NFE2L3: variants seen among roughly 807,000 people sequenced by gnomAD.
The protein encoded by NFE2L3 is nuclear factor erythroid 2-related factor 3.
Under a neutral mutation model 23.5 loss-of-function variants are expected in NFE2L3, and 18 were observed. The observed-to-expected ratio is 0.77, with a 90% CI of 0.53 to 1.13. The LOEUF is 1.13. Ranked by LOEUF, NFE2L3 falls within the 50% of genes most tolerant of loss-of-function variation. The pLI is 0.00. For missense variants in NFE2L3, 1,152 were observed against 877.2 expected, an observed-to-expected ratio of 1.31 and a Z score of -3.96; for synonymous variants, 424 against 354.5, an observed-to-expected ratio of 1.20 and a Z score of -2.20.
chr7:26,184,695 G>A lies in NFE2L3; in HGVS notation c.997G>A (p.Ala333Thr), dbSNP rs752875806. Residue 333 changes from alanine to threonine, a missense_variant, in exon 4 of 4, where the codon GCA (alanine) becomes ACA (threonine). Transcript: ENST00000056233. ...CAATACATTTAGAAGAGATCCAACA[G>A]CAAGGACTTCACAGTCACAAGAACC... ...PNNTFRRDPT[A>T]RTSQSQEPFL... 1.9e-6 allele frequency: 3 copies of A among 1,613,876 alleles called. No individual in the cohort carries two copies. Among genetic ancestry groups the A allele is most frequent in the East Asian group, 4.5e-5 (2 of 44,872 alleles).
intron 1 of NFE2L3, among the ~76,000 whole-genome samples, chr7:26,154,958 C>T (rs555106886): frequency 9.2e-5 from 14 of 152,318 alleles, no homozygotes; most frequent in African/African-American, 3.4e-4. Flanking sequence ...AACCATTCTC[C>T]TGGCAGTGCC....
chr7:26,182,833 T>C (rs1345607117), intron 2 of NFE2L3, among the ~76,000 whole-genome samples: 2 of 152,204 alleles, frequency 1.3e-5, no homozygotes, highest in South Asian at 2.1e-4. Context: ...GATCTCATTC[T>C]GTTAGGCTGG....
intron 1 of NFE2L3, among the ~76,000 whole-genome samples, chr7:26,155,789 G>A (rs1373405135): frequency 6.6e-6 from 1 of 152,226 alleles, no homozygotes; most frequent in East Asian, 1.9e-4. Flanking sequence ...CTGGGTTTGG[G>A]AGTATCACCT....
intron 2 of NFE2L3, among the ~76,000 whole-genome samples, chr7:26,183,025 G>T (rs775922216): frequency 1.2e-4 from 19 of 152,050 alleles, no homozygotes; most frequent in Non-Finnish European, 2.6e-4. Context: ...GGGCTCAGGC[G>T]ATCTGCCTGC....
At chr7:26,162,811 C>G (rs1017092930) in intron 1 of NFE2L3, among the ~76,000 whole-genome samples, 3 of 151,738 alleles carry the variant, frequency 2.0e-5, no homozygotes, top group African/African-American at 4.8e-5. Flanking sequence ...CTCCCAGGCT[C>G]AGGTGATCCT....
At chr7:26,175,743 C>T (rs369680469) in intron 1 of NFE2L3, among the ~76,000 whole-genome samples, 2 of 148,122 alleles carry the variant, frequency 1.4e-5, no homozygotes, top group Non-Finnish European at 1.5e-5. Context: ...CGTGCCACTG[C>T]ACTCCAGCCT....
Position 26,152,679 on chromosome 7 carries a change from C to G in NFE2L3, c.181C>G (p.Pro61Ala). ...GGCCAGCTCCGCCTACGCGCTCAGC[C>G]CCTTCTCGGCCTCGGGAGGGTGGGG... ...GPASSAYALS[P>A]FSASGGWGRA... The change falls in exon 1 of 4, where the codon CCC (proline) becomes GCC (alanine). Residue 61 changes from proline to alanine, a missense_variant. By Grantham distance (27) the Pro-to-Ala change is conservative. Coordinates refer to ENST00000056233, the MANE Select transcript of NFE2L3 (RefSeq NM_004289.7). This position sits in a 1 kb window ranked among gnomAD's most constrained non-coding sequence, Gnocchi z 4.4. 1.3e-6 allele frequency: 2 copies of G among 1,485,444 alleles called. No individual in the cohort carries two copies. Among genetic ancestry groups the G allele is most frequent in the South Asian group, 2.6e-5 (2 of 78,310 alleles). 92.0% of individuals were successfully genotyped at this position (1,485,444 alleles called of 1,614,324 possible).
chr7:26,176,335 G>A (rs1295360184), intron 1 of NFE2L3, among the ~76,000 whole-genome samples: 1 of 151,972 alleles, frequency 6.6e-6, no homozygotes, highest in African/African-American at 2.4e-5. Context: ...TGACAAAACC[G>A]CCATCGTCAT....
intron 1 of NFE2L3, among the ~76,000 whole-genome samples, chr7:26,176,876 TC>T (rs1335430482): frequency 7.5e-6 from 1 of 132,458 alleles, no homozygotes; most frequent in African/African-American, 2.8e-5. Context: ...ACTCCTCACC[TC>T]CCAGACGGGG....
chr7:26,159,949 CTTTT>C (rs59484170), intron 1 of NFE2L3, among the ~76,000 whole-genome samples: 2 of 118,472 alleles, frequency 1.7e-5, no homozygotes, highest in Admixed American at 8.7e-5. Flanking sequence ...AATCTTGTTG[CTTTT>C]TTTTTTTTTT....
In NFE2L3 at chr7:26,185,231, T is replaced by C. The variant is rs1782450907; in HGVS notation, c.1533T>C (p.Ser511=). 1.2e-6 allele frequency: 2 copies of C among 1,613,342 alleles called. No individual in the cohort carries two copies. Among genetic ancestry groups the C allele is most frequent in the Admixed American group, 1.7e-5 (1 of 59,994 alleles). ...HLQPTAPEST[S]EPFPWPGKSQ... ...AGCCAACTGCACCAGAATCTACTTC[T>C]GAACCTTTTCCGTGGCCTGGGAAGT... The change falls in exon 4 of 4, where the codon TCT becomes TCC. Residue 511 remains serine (S), a synonymous_variant. Coordinates refer to ENST00000056233, the MANE Select transcript of NFE2L3 (RefSeq NM_004289.7).
chr7:26,174,226 G>C (rs934270462), intron 1 of NFE2L3: 2 of 152,378 alleles, frequency 1.3e-5, no homozygotes, highest in African/African-American at 4.8e-5. Context: ...AGGTGAAGAA[G>C]CTGTTTCCAG....
At chr7:26,157,053 A>G (rs918245948) in intron 1 of NFE2L3, among the ~76,000 whole-genome samples, 1 of 151,924 alleles carries the variant, frequency 6.6e-6, no homozygotes, top group African/African-American at 2.4e-5. Flanking sequence ...CGGAGGGTGC[A>G]GTGAGCCGAG....
intron 2 of NFE2L3, among the ~76,000 whole-genome samples, chr7:26,183,333 C>A (rs1180434818): frequency 3.9e-5 from 6 of 151,914 alleles, no homozygotes; most frequent in African/African-American, 9.7e-5. Context: ...GGATCACTTG[C>A]GGTCAAAAGT....
chr7:26,185,898 G>T lies in NFE2L3; in HGVS notation c.*115G>T. On this transcript the variant is annotated 3_prime_UTR_variant, in exon 4 of 4. Transcript: ENST00000056233. Reference sequence around the variant, plus strand: ...ATTGTATCTTTAAGTACTGCTACTTGAATAACTCAGTTAACGCTGTTTTGA... The same window carrying T: ...ATTGTATCTTTAAGTACTGCTACTTTAATAACTCAGTTAACGCTGTTTTGA... 2 of 848,498 alleles carry T rather than the reference G, an allele frequency of 2.4e-6. No homozygotes were observed. Among genetic ancestry groups the T allele is most frequent in the South Asian group, 2.0e-5 (1 of 50,344 alleles). 52.6% of individuals were successfully genotyped at this position (848,498 alleles called of 1,614,324 possible).
intron 1 of NFE2L3, among the ~76,000 whole-genome samples, chr7:26,162,246 G>A (rs1784183333): frequency 6.6e-6 from 1 of 151,266 alleles, no homozygotes; most frequent in Non-Finnish European, 1.5e-5. Flanking sequence ...CGTGGTTGGG[G>A]TGTCAGTTTA....
chr7:26,166,402 G>A (rs1271617702), intron 1 of NFE2L3, among the ~76,000 whole-genome samples: 1 of 152,170 alleles, frequency 6.6e-6, no homozygotes, highest in Non-Finnish European at 1.5e-5. Flanking sequence ...CAGCACAGGA[G>A]CCCTAGAGTT....
chr7:26,177,830 T>TTAA, intron 1 of NFE2L3, 113 bp from the exon 2 acceptor site: 1 of 892,730 alleles, frequency 1.1e-6, no homozygotes, highest in South Asian at 1.7e-5. Context: ...TACTGAAATA[T>TTAA]TGAAATGCCG....
At chr7:26,178,828 G>T (rs775499690) in intron 2 of NFE2L3, among the ~76,000 whole-genome samples, 1 of 152,048 alleles carries the variant, frequency 6.6e-6, no homozygotes, top group Non-Finnish European at 1.5e-5. Flanking sequence ...TAATAACCAC[G>T]TGGCACTTCC....
Sources: gnomAD v4.1 joint callset for allele counts (sites outside exome capture counted in the v4.1 genomes callset) on GRCh38, gnomAD v4.1.1 for gene constraint, Gnocchi (gnomAD v3.1) non-coding constraint, MANE v1.5 for transcripts, NCBI Gene and HGNC (gene_info 2026-07-23, HGNC 2026-07-21) for gene names.